The following SENP7 variants were observed in gnomAD, a reference collection of about 807,000 sequenced individuals.
SENP7 encodes the protein sentrin-specific protease 7.
SENP7 carries 64 observed loss-of-function variants against 141.2 expected under a neutral mutation model. The ratio of observed to expected loss-of-function variants is 0.45; its 90% CI spans 0.37 to 0.56. SENP7 has a LOEUF of 0.56. SENP7 is among the 20% of genes least tolerant of loss of function. The probability of loss-of-function intolerance (pLI) is 0.00; values close to 1 mark genes in which losing one functional copy is unlikely to be tolerated. For synonymous variants in SENP7, 382 were observed against 426.4 expected (o/e 0.90, Z 1.28); for missense variants, 1,025 against 1,212.2 (o/e 0.85, Z 2.29).
intron 4 of SENP7, among the ~76,000 whole-genome samples, chr3:101,442,586 G>T (rs989622835): frequency 1.3e-5 from 2 of 151,898 alleles, no homozygotes; most frequent in Non-Finnish European, 2.9e-5. Flanking sequence ...CAGGGGTTGG[G>T]GATCCCAATC....
At chr3:101,361,592 A>G in intron 11 of SENP7, 123 bp downstream of exon 11, 1 of 1,061,002 alleles carries the variant, frequency 9.4e-7, no homozygotes, top group Non-Finnish European at 1.3e-6. Flanking sequence ...CAACATATCC[A>G]AAGTGTCCCA....
At chr3:101,438,544 T>C (rs2062478743) in intron 4 of SENP7, among the ~76,000 whole-genome samples, 1 of 152,144 alleles carries the variant, frequency 6.6e-6, no homozygotes, top group South Asian at 2.1e-4. Context: ...AACTGTACAA[T>C]TAAAAATGAT....
rs749842158 is a variant in SENP7, at chr3:101,341,757, T to G, written c.2129A>C (p.Lys710Thr). The G allele has an allele frequency of 6.2e-7, 1 of 1,607,672 alleles. No homozygotes were observed. Among genetic ancestry groups the G allele is most frequent in the Non-Finnish European group, 8.5e-7 (1 of 1,175,044 alleles). ...VSQPSNTDAA[K>T]PTYTFLQKQS... ...CTTCTGCAGGAAGGTGTAAGTAGGC[T>G]TGGCCGCATCTGTGTTTGAGGGCTG... Residue 710 changes from lysine to threonine, a missense_variant, in exon 15 of 24, where the codon AAG (lysine) becomes ACG (threonine). Around this residue, in one of 4 missense-constraint regions of SENP7, gnomAD observed 295 missense variants for 459.1 expected, o/e 0.64. Coordinates refer to ENST00000394095, the MANE Select transcript of SENP7 (RefSeq NM_020654.5).
chr3:101,392,873 A>C (rs1576203219), intron 6 of SENP7, among the ~76,000 whole-genome samples: 1 of 152,228 alleles, frequency 6.6e-6, no homozygotes, highest in East Asian at 1.9e-4. Context: ...AGTCCCAGCT[A>C]TTCAGGAGGC....
intron 4 of SENP7, chr3:101,457,729 T>A: frequency 1.1e-6 from 1 of 941,976 alleles, no homozygotes; most frequent in Non-Finnish European, 1.7e-6. Flanking sequence ...GTTTCTTTCA[T>A]CCTATCAGAG....
intron 6 of SENP7, among the ~76,000 whole-genome samples, chr3:101,384,536 A>G (rs1295711245): frequency 6.6e-6 from 1 of 152,204 alleles, no homozygotes; most frequent in Non-Finnish European, 1.5e-5. Flanking sequence ...CGACTGGTCC[A>G]ACTGCAGTCT....
intron 11 of SENP7, among the ~76,000 whole-genome samples, chr3:101,355,522 G>A (rs2059717893): frequency 6.6e-6 from 1 of 152,088 alleles, no homozygotes; most frequent in Admixed American, 6.5e-5. Flanking sequence ...GATGGTCATA[G>A]GTGTGCAGCT....
intron 4 of SENP7, among the ~76,000 whole-genome samples, chr3:101,436,786 G>A (rs9828817): frequency 0.4 from 60,395 of 152,034 alleles, 12,512 homozygotes; most frequent in Admixed American, 0.54. Flanking sequence ...AACAAATGCT[G>A]GCAAGGATGT....
chr3:101,460,230 C>T (rs1346157429), intron 3 of SENP7, among the ~76,000 whole-genome samples: 1 of 152,130 alleles, frequency 6.6e-6, no homozygotes, highest in Non-Finnish European at 1.5e-5. Flanking sequence ...TTGCTAGAGG[C>T]TCAGAAGAAC....
At chr3:101,478,194 A>G (rs1446033278) in intron 3 of SENP7, among the ~76,000 whole-genome samples, 6 of 152,106 alleles carry the variant, frequency 3.9e-5, no homozygotes, top group African/African-American at 1.2e-4. Flanking sequence ...AAGAAACAGA[A>G]ACCCTAAACA....
chr3:101,441,363 G>T (rs550566220), intron 4 of SENP7, among the ~76,000 whole-genome samples: 2 of 152,096 alleles, frequency 1.3e-5, no homozygotes, highest in Non-Finnish European at 2.9e-5. Flanking sequence ...CCCTGCCCCT[G>T]CAAACAGTAT....
At chr3:101,437,395 A>G (rs2062431146) in intron 4 of SENP7, among the ~76,000 whole-genome samples, 1 of 152,212 alleles carries the variant, frequency 6.6e-6, no homozygotes. Context: ...AACTCAAAGG[A>G]TAAATGCTTG....
intron 11 of SENP7, among the ~76,000 whole-genome samples, chr3:101,360,408 A>G (rs2107339540): frequency 6.6e-6 from 1 of 152,210 alleles, no homozygotes; most frequent in Admixed American, 6.5e-5. Context: ...CTTCTTGTAC[A>G]TATTTCTGTT....
intron 4 of SENP7, among the ~76,000 whole-genome samples, chr3:101,452,695 A>G (rs2063188802): frequency 6.6e-6 from 1 of 152,156 alleles, no homozygotes; most frequent in African/African-American, 2.4e-5. Flanking sequence ...CCTTCCTTAC[A>G]CCTTACACAA....
rs145162121 is a variant in SENP7, at chr3:101,375,016, C to T, written c.678-2890G>A. ...CCAATTAGCATGAAAAGATGTTCAACGTCACTAATCACTAAGGAAATGCAA... is the reference window on the plus strand; with the variant it reads ...CCAATTAGCATGAAAAGATGTTCAATGTCACTAATCACTAAGGAAATGCAA... On this transcript the variant is annotated intron_variant, in intron 6 of 23. Coordinates refer to ENST00000394095, the MANE Select transcript of SENP7 (RefSeq NM_020654.5). Among the ~76,000 whole-genome samples, 570 of 152,156 alleles carry T rather than the reference C, an allele frequency of 3.7e-3. 8 individuals are homozygous for T. The highest frequency in any genetic ancestry group is 6.2e-4 in the Non-Finnish European group (42 of 67,996).
chr3:101,437,217 G>T (rs1210910677), intron 4 of SENP7, among the ~76,000 whole-genome samples: 1 of 152,170 alleles, frequency 6.6e-6, no homozygotes, highest in Non-Finnish European at 1.5e-5. Flanking sequence ...GTTACCAAAG[G>T]CTGGGAAGAG....
chr3:101,431,812 C>T (rs1014537175), intron 4 of SENP7, among the ~76,000 whole-genome samples: 8 of 152,178 alleles, frequency 5.3e-5, no homozygotes, highest in Middle Eastern at 3.4e-3. Context: ...CTGAGGTCTG[C>T]CTTAGACTCT....
chr3:101,370,776 G>C (rs1253343599), intron 7 of SENP7, among the ~76,000 whole-genome samples: 1 of 152,128 alleles, frequency 6.6e-6, no homozygotes, highest in Non-Finnish European at 1.5e-5. Context: ...TCTGAACAAA[G>C]TCACAGCACA....
intron 4 of SENP7, among the ~76,000 whole-genome samples, chr3:101,450,367 T>C (rs1305786008): frequency 1.3e-5 from 2 of 152,186 alleles, no homozygotes; most frequent in East Asian, 1.9e-4. Flanking sequence ...GCAGACCTAA[T>C]AGACATCTAC....
Sources: gnomAD v4.1 joint callset for allele counts (sites outside exome capture counted in the v4.1 genomes callset) on GRCh38, gnomAD v4.1.1 for gene constraint, gnomAD v4.1.1 regional missense constraint, MANE v1.5 for transcripts, NCBI Gene and HGNC (gene_info 2026-07-23, HGNC 2026-07-21) for gene names.